FCHO1: variants seen among roughly 807,000 people sequenced by gnomAD.
FCHO1 encodes F-BAR domain only protein 1.
In FCHO1, 45 loss-of-function variants were observed where a neutral mutation model predicts 114.4. The observed-to-expected ratio is 0.39, with a 90% confidence interval of 0.31 to 0.50. The LOEUF (loss-of-function observed/expected upper bound fraction) is 0.50. Among genes scored for constraint, FCHO1 ranks in the 20% least tolerant of loss-of-function variants. The pLI is 0.77. For missense variants in FCHO1, 1,042 were observed against 1,209.6 expected, an observed-to-expected ratio of 0.86 and a Z score of 2.06; for synonymous variants, 480 against 488.9, an observed-to-expected ratio of 0.98 and a Z score of 0.24.
At chr19:17,782,363 C>A (rs1407696628) in intron 23 of FCHO1, among the ~76,000 whole-genome samples, 1 of 152,094 alleles carries the variant, frequency 6.6e-6, no homozygotes, top group Non-Finnish European at 1.5e-5. Flanking sequence ...TGCCACCACA[C>A]CCTGCTGATT....
intron 9 of FCHO1, 106 bp downstream of exon 9, chr19:17,771,002 C>G: frequency 1.0e-6 from 1 of 969,244 alleles, no homozygotes; most frequent in Non-Finnish European, 1.6e-6. Flanking sequence ...ACCTGTAATC[C>G]CAGCACTTTG....
Position 17,788,399 on chromosome 19 carries a change from C to T in FCHO1, c.*93C>T. ...TGCCGGACCCTGGGGCCTCCCACCC[C>T]AGCCTCCCTGAGGCCCATACTCCAC... is the stretch of plus-strand genomic sequence containing the variant. On this transcript the variant is annotated 3_prime_UTR_variant, in exon 29 of 29. Coordinates refer to ENST00000596536, the MANE Select transcript of FCHO1 (RefSeq NM_015122.3). 2 of 960,894 alleles carry T rather than the reference C, an allele frequency of 2.1e-6. No homozygotes were observed. Among genetic ancestry groups the T allele is most frequent in the Admixed American group, 1.9e-5 (1 of 52,134 alleles). 59.5% of individuals were successfully genotyped at this position (960,894 alleles called of 1,614,324 possible).
rs2093715197 is a variant in FCHO1 at position 17,784,663 on chromosome 19, C to G, written c.2227-62C>G. On this transcript the variant is annotated intron_variant, in intron 25 of 28. Transcript: ENST00000596536. This position sits in a 1 kb window ranked among gnomAD's most constrained non-coding sequence, Gnocchi z 5.3. ...GCAGGGTCAAGGTGGTTGAATAGCG[C>G]ATGGTGTGGCAAGACAGGATGGCCC... 6.6e-7 allele frequency: 1 copy of G among 1,508,012 alleles called. No individual in the cohort carries two copies. The highest frequency in any genetic ancestry group is 9.2e-7 in the Non-Finnish European group (1 of 1,086,020). The allele number at this position is 1,508,012 out of a possible 1,614,324, so 93.4% of individuals were successfully genotyped here.
intron 4 of FCHO1, among the ~76,000 whole-genome samples, chr19:17,757,092 G>A (rs1261822139): frequency 1.3e-5 from 2 of 151,594 alleles, no homozygotes; most frequent in Non-Finnish European, 1.5e-5. Flanking sequence ...GAGAGGCTAA[G>A]GCAGGAGAAT....
At chr19:17,757,476 T>TG (rs1402973878) in intron 4 of FCHO1, among the ~76,000 whole-genome samples, 1 of 152,074 alleles carries the variant, frequency 6.6e-6, no homozygotes, top group Non-Finnish European at 1.5e-5. Context: ...GCAAGACCCT[T>TG]GGGAGTTGGG....
In FCHO1 at chr19:17,784,652, G is replaced by A. The variant is rs2093713421; in HGVS notation, c.2227-73G>A. 2 of 1,453,354 alleles carry A rather than the reference G, an allele frequency of 1.4e-6. No homozygotes were observed. Among genetic ancestry groups the A allele is most frequent in the Non-Finnish European group, 9.6e-7 (1 of 1,037,732 alleles). 90.0% of individuals were successfully genotyped at this position (1,453,354 alleles called of 1,614,324 possible). The stretch of plus-strand genomic sequence containing the variant: ...GTGCGTGCATCGCAGGGTCAAGGTG[G>A]TTGAATAGCGCATGGTGTGGCAAGA... On this transcript the variant is annotated intron_variant, in intron 25 of 28. Coordinates refer to ENST00000596536, the MANE Select transcript of FCHO1 (RefSeq NM_015122.3). The surrounding 1 kb of genome is among the most constrained non-coding windows in gnomAD (Gnocchi z 5.3).
In FCHO1 at chr19:17,776,134, C is replaced by A. The variant is rs1196358868; in HGVS notation, c.1155C>A (p.Gly385=). 2 of 1,613,400 alleles carry A rather than the reference C, an allele frequency of 1.2e-6. No individual in the cohort carries two copies. Among genetic ancestry groups the A allele is most frequent in the South Asian group, 1.1e-5 (1 of 91,074 alleles). ...CGGCACAGCTCAGGGCCACCGCGGG[C>A]AGCCTCATCCTTCCTCCTGGCCCAG... is the stretch of plus-strand genomic sequence containing the variant. ...AAAAQLRATA[G]SLILPPGPGG... The change falls in exon 16 of 29, where the codon GGC becomes GGA. Residue 385 remains glycine, a synonymous_variant. Transcript: ENST00000596536. This position sits in a 1 kb window ranked among gnomAD's most constrained non-coding sequence, Gnocchi z 4.4.
chr19:17,769,448 C>T (rs976221767), intron 7 of FCHO1, among the ~76,000 whole-genome samples: 9 of 150,412 alleles, frequency 6.0e-5, no homozygotes, highest in Non-Finnish European at 8.9e-5. Flanking sequence ...GGCGTGGTGG[C>T]GGCGCCTGTA....
chr19:17,786,444 A>G, intron 26 of FCHO1, 130 bp from the exon 27 acceptor site: 1 of 838,316 alleles, frequency 1.2e-6, no homozygotes, highest in Non-Finnish European at 1.9e-6. Flanking sequence ...CATTTCACAG[A>G]TGAGGAAATT....
In FCHO1 at chr19:17,774,923, G is replaced by T. The variant is rs754420689; in HGVS notation, c.921-133G>T. ...CCCAAGCAAGCCCCATGGTCCCACCGCCTCTAGGGCTAGCTCAGGGCAGTA... is the reference window on the plus strand; with the variant it reads ...CCCAAGCAAGCCCCATGGTCCCACCTCCTCTAGGGCTAGCTCAGGGCAGTA... On this transcript the variant is annotated intron_variant, in intron 13 of 28. Transcript: ENST00000596536. 6.2e-6 allele frequency: 6 copies of T among 961,624 alleles called. No homozygotes were observed. In the African/African-American group the frequency reaches 8.2e-5, roughly 13 times the overall value. 59.6% of individuals were successfully genotyped at this position (961,624 alleles called of 1,614,324 possible). A position where few individuals can be genotyped will look rare whatever the true frequency, so the allele number is the denominator to read the frequency against.
At chr19:17,770,731 G>C in intron 8 of FCHO1, 61 bp from the exon 9 acceptor site, 2 of 1,596,626 alleles carry the variant, frequency 1.3e-6, no homozygotes, top group South Asian at 2.2e-5. Context: ...AGGTGATGGG[G>C]CCTGGGGGAG....
At chr19:17,755,011 C>G in intron 3 of FCHO1, 107 bp from the exon 4 acceptor site, 2 of 775,756 alleles carry the variant, frequency 2.6e-6, no homozygotes, top group Non-Finnish European at 4.6e-6. Context: ...TTGGAGCTTT[C>G]AGTTCCTCCT....
chr19:17,761,665 TC>T (rs528380221), intron 4 of FCHO1, among the ~76,000 whole-genome samples: 4 of 142,826 alleles, frequency 2.8e-5, no homozygotes, highest in Non-Finnish European at 4.6e-5. Flanking sequence ...CACACACACT[TC>T]CCCCCCGCCC....
rs777331288 is a variant in FCHO1, at chr19:17,774,403, G to A, written c.845G>A (p.Arg282His). 3.1e-6 allele frequency: 5 copies of A among 1,614,038 alleles called. No individual in the cohort carries two copies. The highest frequency in any genetic ancestry group is 1.1e-5 in the South Asian group (1 of 91,088). ...SAAALQEAMK[R>H]LRGAKAFRLP... ...CCCAATCTATCCTCAGCGATGAAAC[G>A]TTTGCGGGGAGCCAAGGCCTTTCGC... The change falls in exon 13 of 29, where the codon CGT (arginine) becomes CAT (histidine). Residue 282 changes from arginine to histidine, a missense_variant. Arg to His is a conservative substitution (Grantham distance 29). Transcript: ENST00000596536.
At chr19:17,774,906 A>G (rs2092398205) in intron 13 of FCHO1, 150 bp from the exon 14 acceptor site, 2 of 785,492 alleles carry the variant, frequency 2.5e-6, no homozygotes, top group Non-Finnish European at 4.2e-6. Context: ...TCCCCAAGCA[A>G]GCCCCATGGT....
At chr19:17,764,920 C>T (rs954854708) in intron 6 of FCHO1, among the ~76,000 whole-genome samples, 3 of 151,712 alleles carry the variant, frequency 2.0e-5, no homozygotes, top group Admixed American at 6.6e-5. Flanking sequence ...CAAAATTAGT[C>T]GAGTGTGGTG....
chr19:17,782,171 G>T (rs970432483), intron 23 of FCHO1, among the ~76,000 whole-genome samples: 6 of 151,586 alleles, frequency 4.0e-5, no homozygotes, highest in African/African-American at 1.2e-4. Context: ...CACTGCACCC[G>T]ACTAAATTAT....
At position 17,775,493 on chromosome 19, in the gene FCHO1, G is replaced by A. The variant is rs771081570; in HGVS notation, c.983G>A (p.Arg328Gln). ...GTGGATGAAGAAGGTTTCACTGTCC[G>A]GCCTGATGTGACCCAGAACAATATC... is the stretch of plus-strand genomic sequence containing the variant. ...PEVDEEGFTVRPDVTQNSTAE... is the reference protein window; with the variant it reads ...PEVDEEGFTVQPDVTQNSTAE... The change falls in exon 15 of 29, where the codon CGG (arginine) becomes CAG (glutamine). Residue 328 changes from arginine to glutamine, a missense_variant. Physicochemically the swap from Arg to Gln is conservative, Grantham distance 43 (BLOSUM62 1). Around this residue, in one of 3 missense-constraint regions of FCHO1, gnomAD observed 450 missense variants for 564.1 expected, o/e 0.80. Coordinates refer to ENST00000596536, the MANE Select transcript of FCHO1 (RefSeq NM_015122.3). The surrounding 1 kb of genome is among the most constrained non-coding windows in gnomAD (Gnocchi z 5.1). The A allele has an allele frequency of 5.0e-6, 8 of 1,613,794 alleles. No homozygotes were observed. The Admixed American group carries it at 5.0e-5, about 10-fold the overall frequency.
Position 17,776,697 on chromosome 19 carries a change from C to T in FCHO1, c.1259+11C>T. The T allele has an allele frequency of 6.2e-7, 1 of 1,613,372 alleles. No homozygotes were observed. The highest frequency in any genetic ancestry group is 8.5e-7 in the Non-Finnish European group (1 of 1,179,764). ...CCCCAGAACCAGCAGGTGGGTTCCA[C>T]ACGAGTGGGCAGGTGGGGGCTGTCC... On this transcript the variant is annotated intron_variant, in intron 18 of 28. Transcript: ENST00000596536. The surrounding 1 kb of genome is among the most constrained non-coding windows in gnomAD (Gnocchi z 4.4).
Sources: gnomAD v4.1 joint callset for allele counts (sites outside exome capture counted in the v4.1 genomes callset) on GRCh38, gnomAD v4.1.1 for gene constraint, gnomAD v4.1.1 regional missense constraint, Gnocchi (gnomAD v3.1) non-coding constraint, MANE v1.5 for transcripts, NCBI Gene and HGNC (gene_info 2026-07-23, HGNC 2026-07-21) for gene names.